The following KNDC1 variants were observed in gnomAD, a reference collection of about 807,000 sequenced individuals.
The protein encoded by KNDC1 is kinase non-catalytic C-lobe domain-containing protein 1.
In KNDC1, 106 loss-of-function variants were observed where a neutral mutation model predicts 172.8. The observed-to-expected ratio is 0.61, with a 90% confidence interval of 0.52 to 0.72. The LOEUF is 0.72. Ranked by LOEUF, KNDC1 falls within the 30% of genes least tolerant of loss-of-function variation. The probability of loss-of-function intolerance (pLI) is 0.00; values close to 1 mark genes in which losing one functional copy is unlikely to be tolerated. For synonymous variants in KNDC1, 1,083 were observed against 1,062.2 expected, an observed-to-expected ratio of 1.02 and a Z score of -0.38; for missense variants, 2,325 against 2,394.5, an observed-to-expected ratio of 0.97 and a Z score of 0.61.
chr10:133,197,715 T>C lies in KNDC1; in HGVS notation c.1853T>C (p.Phe618Ser). 1.2e-6 allele frequency: 2 copies of C among 1,613,366 alleles called. No homozygotes were observed. Among genetic ancestry groups the C allele is most frequent in the Non-Finnish European group, 1.7e-6 (2 of 1,179,874 alleles). ...EEETISLQNA[F>S]SVVELKPSVA... ...GAGACCATCAGCCTCCAAAACGCCT[T>C]CTCAGTGGTTGAACTGAAGCCCAGT... Residue 618 changes from phenylalanine (F) to serine (S), a missense_variant, in exon 12 of 30, where the codon TTC becomes TCC. Physicochemically the swap from Phe to Ser is radical, Grantham distance 155. Coordinates refer to ENST00000304613, the MANE Select transcript of KNDC1 (RefSeq NM_152643.8).
Position 133,225,725 on chromosome 10 carries a change from AC to A in KNDC1, c.*837del, listed in dbSNP as rs1397557684. 1.3e-5 allele frequency: 2 copies of A among 148,914 alleles called. No individual in the cohort carries two copies. The highest frequency in any genetic ancestry group is 3.8e-4 in the East Asian group (2 of 5,220). The allele number at this position is 148,914 out of a possible 1,614,324, so 9.2% of individuals were successfully genotyped here. A position where few individuals can be genotyped will look rare whatever the true frequency, so the allele number is the denominator to read the frequency against. On this transcript the variant is annotated 3_prime_UTR_variant, in exon 30 of 30. Coordinates refer to ENST00000304613, the MANE Select transcript of KNDC1 (RefSeq NM_152643.8). ...CATGCCCCAGGGACCGCCACTGCCC[AC>A]CGCCTCCAGCAGCCATGCATGTGCG... is the stretch of plus-strand genomic sequence containing the variant.
At chr10:133,183,291 C>G (rs760662542) in intron 3 of KNDC1, 53 bp from the exon 4 acceptor site, 5 of 1,506,160 alleles carry the variant, frequency 3.3e-6, no homozygotes, top group Non-Finnish European at 4.5e-6. Flanking sequence ...TGGCCGCGGT[C>G]GGGGTGGCGC....
At chr10:133,200,135 G>A (rs947358088) in intron 15 of KNDC1, among the ~76,000 whole-genome samples, 4 of 152,120 alleles carry the variant, frequency 2.6e-5, no homozygotes, top group Admixed American at 6.5e-5. Context: ...CCCCAGCCCC[G>A]GCCTCCTCGG....
chr10:133,215,484 C>T (rs1845452847), intron 26 of KNDC1, among the ~76,000 whole-genome samples: 1 of 152,268 alleles, frequency 6.6e-6, no homozygotes, highest in Non-Finnish European at 1.5e-5. Context: ...CACGCCAGCA[C>T]GGGGCGTGGG....
chr10:133,212,000 C>T (rs759266980), intron 23 of KNDC1, 142 bp downstream of exon 23: 109 of 755,024 alleles, frequency 1.4e-4, no homozygotes, highest in Middle Eastern at 3.1e-4. Context: ...TACACATAGA[C>T]GTGTGCACAT....
intron 20 of KNDC1, among the ~76,000 whole-genome samples, chr10:133,208,193 G>A (rs1457550604): frequency 6.6e-6 from 1 of 152,094 alleles, no homozygotes; most frequent in Non-Finnish European, 1.5e-5. Context: ...GGGACAGGCA[G>A]GCCCCCAGAG....
At chr10:133,212,967 G>A (rs779959917) in intron 24 of KNDC1, 45 bp downstream of exon 24, 1 of 1,559,896 alleles carries the variant, frequency 6.4e-7, no homozygotes, top group Admixed American at 1.8e-5. Context: ...GCGAGTCGGG[G>A]CCCCAGAAAC....
chr10:133,211,343 G>T, intron 21 of KNDC1, 79 bp from the exon 22 acceptor site: 2 of 1,394,602 alleles, frequency 1.4e-6, no homozygotes, highest in East Asian at 2.4e-5. Context: ...GCCTCTCTGG[G>T]AGAGCCACAT....
intron 24 of KNDC1, 102 bp downstream of exon 24, chr10:133,213,024 C>A (rs1001778602): frequency 1.8e-6 from 2 of 1,083,948 alleles, no homozygotes; most frequent in South Asian, 1.6e-5. Flanking sequence ...GAGGAACAGA[C>A]GGGCAGAGAA....
rs1198223362 is a variant in KNDC1 at position 133,207,316 on chromosome 10, C to A, written c.3759C>A (p.Gly1253=). 6.2e-6 allele frequency: 10 copies of A among 1,612,800 alleles called. No individual in the cohort carries two copies. Among genetic ancestry groups the A allele is most frequent in the Middle Eastern group, 1.7e-4 (1 of 6,054 alleles). Residue 1253 remains glycine (G), a synonymous_variant, in exon 20 of 30, where the codon GGC becomes GGA. Coordinates refer to ENST00000304613, the MANE Select transcript of KNDC1 (RefSeq NM_152643.8). The part of the protein sequence containing the change: ...GRQKARILQA[G]TPLGLMAYLY... ...AGAAGGCCCGCATCCTGCAGGCCGG[C>A]ACGCCGCTGGGGCTCATGGCCTACC...
chr10:133,169,285 C>T (rs1406542161), intron 3 of KNDC1, among the ~76,000 whole-genome samples: 2 of 152,198 alleles, frequency 1.3e-5, no homozygotes, highest in Non-Finnish European at 2.9e-5. Context: ...ACATGGCGAA[C>T]CCCGTCTCTA....
chr10:133,166,754 G>GT (rs1853171922), intron 1 of KNDC1, among the ~76,000 whole-genome samples: 1 of 151,984 alleles, frequency 6.6e-6, no homozygotes, highest in South Asian at 2.1e-4. Context: ...TGCATGGGGG[G>GT]GGTGTGGGTG....
At position 133,197,781 on chromosome 10, in the gene KNDC1, C is replaced by T; in HGVS notation, c.1906+13C>T. On this transcript the variant is annotated intron_variant, in intron 12 of 29. Transcript: ENST00000304613. ...GAGCCCAGCCCAGGTGGGGACCTGA[C>T]CAGCCCCTGCTGCCCCACCAGCTCC... 6.3e-7 allele frequency: 1 copy of T among 1,589,862 alleles called. No individual in the cohort carries two copies. Among genetic ancestry groups the T allele is most frequent in the East Asian group, 2.2e-5 (1 of 44,794 alleles).
chr10:133,206,640 T>G (rs1589767145), intron 17 of KNDC1, 45 bp from the exon 18 acceptor site: 1 of 1,523,816 alleles, frequency 6.6e-7, no homozygotes, highest in Non-Finnish European at 9.1e-7. Context: ...GTGGCTGACG[T>G]GTGTTGGGGC....
chr10:133,217,237 CT>C (rs1408822528), intron 26 of KNDC1, among the ~76,000 whole-genome samples: 1 of 152,284 alleles, frequency 6.6e-6, no homozygotes, highest in African/African-American at 2.4e-5. Flanking sequence ...ATAGTTTTAT[CT>C]CAAAATTACA....
rs531174407 is a variant in KNDC1, at chr10:133,213,439, G to A, written c.4444-206G>A. On this transcript the variant is annotated intron_variant, in intron 24 of 29. Transcript: ENST00000304613. ...AATCTAGTGATCCACCTGCTGTCAC[G>A]AGGGCTGCCCCGGACACCATGAGCC... 9.8e-5 allele frequency among the ~76,000 whole-genome samples: 15 copies of A among 152,340 alleles called. No individual in the cohort carries two copies. The South Asian group carries it at 2.7e-3, about 27-fold the overall frequency.
At chr10:133,197,029 G>A (rs199824804) in intron 10 of KNDC1, 29 bp from the exon 11 acceptor site, 50 of 1,588,968 alleles carry the variant, frequency 3.1e-5, no homozygotes, top group Middle Eastern at 3.3e-4. Flanking sequence ...GAGGCCTGTC[G>A]GGACGTGTGA....
At chr10:133,170,811 G>A (rs1853355032) in intron 3 of KNDC1, among the ~76,000 whole-genome samples, 1 of 152,238 alleles carries the variant, frequency 6.6e-6, no homozygotes, top group Non-Finnish European at 1.5e-5. Flanking sequence ...TCAGTCGGCT[G>A]TGATATCACA....
intron 12 of KNDC1, among the ~76,000 whole-genome samples, chr10:133,198,115 T>C (rs1854245476): frequency 6.6e-6 from 1 of 152,092 alleles, no homozygotes; most frequent in African/African-American, 2.4e-5. Context: ...TGGTGGGGCC[T>C]GGTCTTGCTG....
Sources: gnomAD v4.1 joint callset for allele counts (sites outside exome capture counted in the v4.1 genomes callset) on GRCh38, gnomAD v4.1.1 for gene constraint, MANE v1.5 for transcripts, NCBI Gene and HGNC (gene_info 2026-07-23, HGNC 2026-07-21) for gene names.